NTM: variants seen among roughly 807,000 people sequenced by gnomAD.
The protein encoded by NTM is IgLON family member 2.
A neutral mutation model predicts 42.1 loss-of-function variants in NTM; 13 were observed. That is an observed-to-expected ratio of 0.31 (90% confidence interval 0.20 to 0.49). NTM has a LOEUF of 0.49. Among genes scored for constraint, NTM ranks in the 20% least tolerant of loss-of-function variants. The pLI is 0.99. For missense variants in NTM, 373 were observed against 452.8 expected, an observed-to-expected ratio of 0.82 and a Z score of 1.60; for synonymous variants, 187 against 179.2, an observed-to-expected ratio of 1.04 and a Z score of -0.35.
intron 1 of NTM, among the ~76,000 whole-genome samples, chr11:131,517,640 T>C (rs1436678752): frequency 6.6e-6 from 1 of 152,210 alleles, no homozygotes; most frequent in East Asian, 1.9e-4. Flanking sequence ...ATCCAGACTC[T>C]GGTCTAGTTT....
At chr11:131,380,470 C>G (rs1170814784) in intron 1 of NTM, among the ~76,000 whole-genome samples, 1 of 152,146 alleles carries the variant, frequency 6.6e-6, no homozygotes, top group Non-Finnish European at 1.5e-5. Context: ...CTCAGCCTCT[C>G]AAAGTGCTGG....
intron 1 of NTM, among the ~76,000 whole-genome samples, chr11:131,542,067 G>A (rs1202430181): frequency 6.6e-6 from 1 of 152,174 alleles, no homozygotes; most frequent in African/African-American, 2.4e-5. Flanking sequence ...TAGAGGGTTA[G>A]AGAGATCAAC....
chr11:131,959,697 G>A (rs995826125), intron 2 of NTM, among the ~76,000 whole-genome samples: 1 of 152,160 alleles, frequency 6.6e-6, no homozygotes, highest in African/African-American at 2.4e-5. Flanking sequence ...CAACCACTCT[G>A]ACTGATCAAG....
At position 131,675,867 on chromosome 11, in the gene NTM, A is replaced by G. The variant is rs541408542; in HGVS notation, c.83-235697A>G. Among the ~76,000 whole-genome samples the G allele has an allele frequency of 2.0e-5, 3 of 152,306 alleles. No individual in the cohort carries two copies. The South Asian group carries it at 6.2e-4, about 32-fold the overall frequency. On this transcript the variant is annotated intron_variant, in intron 1 of 8. Transcript: ENST00000683400. ...CCTAAAAGAAAATGGCCCTGTTTCT[A>G]GAAGAGAGAAAAGCCCAGACGTCTG...
chr11:131,688,728 G>A (rs2134979718), intron 1 of NTM, among the ~76,000 whole-genome samples: 1 of 152,374 alleles, frequency 6.6e-6, no homozygotes, highest in East Asian at 1.9e-4. Flanking sequence ...GGTGATGCGT[G>A]TGTGGAAGAC....
chr11:131,385,708 T>G (rs1217382325), intron 1 of NTM, among the ~76,000 whole-genome samples: 2 of 152,166 alleles, frequency 1.3e-5, no homozygotes, highest in African/African-American at 2.4e-5. Context: ...TTTTTTAAAA[T>G]TATCCAGGCG....
chr11:132,035,810 C>A (rs2076443699), intron 2 of NTM, among the ~76,000 whole-genome samples: 1 of 152,132 alleles, frequency 6.6e-6, no homozygotes, highest in Non-Finnish European at 1.5e-5. Flanking sequence ...CTCTAGCTGG[C>A]AAGGCAGTAA....
At chr11:131,996,418 GGTT>G (rs1039757605) in intron 2 of NTM, among the ~76,000 whole-genome samples, 3 of 152,114 alleles carry the variant, frequency 2.0e-5, no homozygotes, top group Non-Finnish European at 4.4e-5. Flanking sequence ...CTGAAATGTG[GGTT>G]GTTCTTTTAT....
At position 132,053,801 on chromosome 11, in the gene NTM, A is replaced by G. The variant is rs73587343; in HGVS notation, c.168-92481A>G. ...AGAAGGCACTTAATGTAGGTTCTTT[A>G]TTTTTTTGTGCTGATTACCCTAATT... On this transcript the variant is annotated intron_variant, in intron 2 of 8. Coordinates refer to ENST00000683400, the MANE Select transcript of NTM (RefSeq NM_001352005.2). Among the ~76,000 whole-genome samples, 1,190 of 152,228 alleles carry G rather than the reference A, an allele frequency of 7.8e-3. 9 individuals are homozygous for G. The highest frequency in any genetic ancestry group is 0.025 in the African/African-American group (1,058 of 41,534).
At chr11:132,078,862 C>T (rs2058683718) in intron 2 of NTM, among the ~76,000 whole-genome samples, 1 of 152,172 alleles carries the variant, frequency 6.6e-6, no homozygotes, top group Non-Finnish European at 1.5e-5. Context: ...ACCTCTTTCC[C>T]CTTTTTGAAT....
chr11:131,494,228 A>T lies in NTM; in HGVS notation c.82+123340A>T, dbSNP rs114844888. ...TTCCAATAAAACTTTGAGCTCCTACAATGTCTAAGCTCTGTGAGGTAGCAG... is the reference window on the plus strand; with the variant it reads ...TTCCAATAAAACTTTGAGCTCCTACTATGTCTAAGCTCTGTGAGGTAGCAG... On this transcript the variant is annotated intron_variant, in intron 1 of 8. Coordinates refer to ENST00000683400, the MANE Select transcript of NTM (RefSeq NM_001352005.2). 1.0e-2 allele frequency among the ~76,000 whole-genome samples: 1,520 copies of T among 152,260 alleles called. 23 individuals carry two copies. The highest frequency in any genetic ancestry group is 0.035 in the African/African-American group (1,445 of 41,548).
At chr11:131,750,640 G>A (rs544634371) in intron 1 of NTM, among the ~76,000 whole-genome samples, 10 of 152,070 alleles carry the variant, frequency 6.6e-5, no homozygotes, top group South Asian at 6.3e-4. Flanking sequence ...TTTCATTTCC[G>A]CTTTCCACCA....
chr11:131,388,218 C>T (rs1195119076), intron 1 of NTM, among the ~76,000 whole-genome samples: 3 of 152,034 alleles, frequency 2.0e-5, no homozygotes, highest in African/African-American at 4.8e-5. Context: ...TTTAAGCCAC[C>T]GGGACAGAGG....
chr11:132,104,368 T>C (rs1340476309), intron 2 of NTM, among the ~76,000 whole-genome samples: 1 of 152,126 alleles, frequency 6.6e-6, no homozygotes, highest in Non-Finnish European at 1.5e-5. Flanking sequence ...TCCCATCTTC[T>C]TTCCTTGCAT....
At chr11:131,720,298 T>C (rs2078181337) in intron 1 of NTM, among the ~76,000 whole-genome samples, 1 of 152,244 alleles carries the variant, frequency 6.6e-6, no homozygotes, top group African/African-American at 2.4e-5. Context: ...TATGCCTTGA[T>C]AGATACAGTG....
At chr11:131,374,421 G>C (rs1234014160) in intron 1 of NTM, among the ~76,000 whole-genome samples, 1 of 152,230 alleles carries the variant, frequency 6.6e-6, no homozygotes, top group Non-Finnish European at 1.5e-5. Context: ...CACAGAGCCT[G>C]GTCCTGGTCC....
chr11:132,248,615 G>A (rs552616377), intron 4 of NTM, among the ~76,000 whole-genome samples: 4 of 152,266 alleles, frequency 2.6e-5, no homozygotes, highest in East Asian at 3.9e-4. Flanking sequence ...AGAAGACATC[G>A]GAAGCCAAGG....
At chr11:132,183,214 A>G (rs2077843015) in intron 3 of NTM, among the ~76,000 whole-genome samples, 1 of 152,174 alleles carries the variant, frequency 6.6e-6, no homozygotes, top group Non-Finnish European at 1.5e-5. Flanking sequence ...GTAATAATCA[A>G]CACATTTGTA....
chr11:132,303,238 G>A (rs546248415), intron 4 of NTM, among the ~76,000 whole-genome samples: 63 of 152,348 alleles, frequency 4.1e-4, no homozygotes, highest in Non-Finnish European at 2.6e-4. Context: ...TTTACAACAA[G>A]AAAACTGTAC....
Sources: allele counts gnomAD v4.1 joint callset (sites outside exome capture counted in the v4.1 genomes callset), GRCh38; gene constraint gnomAD v4.1.1; transcripts MANE v1.5; gene names NCBI Gene and HGNC (gene_info 2026-07-23, HGNC 2026-07-21).